The following NEK1 variants were observed in gnomAD, a reference collection of about 807,000 sequenced individuals.
The protein encoded by NEK1 is NIMA related kinase 1, also known as serine/threonine-protein kinase Nek1.
In NEK1, 137 loss-of-function variants were observed where a neutral mutation model predicts 182.1. That is an observed-to-expected ratio of 0.75 (90% CI 0.65 to 0.87). NEK1 has a LOEUF of 0.87. NEK1 is among the 40% of genes least tolerant of loss of function. NEK1 has a pLI of 0.00. For missense variants in NEK1, 1,391 were observed against 1,494.4 expected (o/e 0.93, Z 1.14); for synonymous variants, 513 against 492.2 (o/e 1.04, Z -0.56).
At chr4:169,513,752 G>C (rs1305876666) in intron 19 of NEK1, among the ~76,000 whole-genome samples, 1 of 152,004 alleles carries the variant, frequency 6.6e-6, no homozygotes, top group Non-Finnish European at 1.5e-5. Flanking sequence ...CTAGTGTGCT[G>C]ACAGTTATTA....
At chr4:169,479,302 A>C in intron 24 of NEK1, 101 bp downstream of exon 24, 41 of 1,242,202 alleles carry the variant, frequency 3.3e-5, no homozygotes, top group Non-Finnish European at 4.2e-5. Flanking sequence ...TCCTTAGAAA[A>C]ACCTGAAAGG....
intron 23 of NEK1, among the ~76,000 whole-genome samples, chr4:169,498,744 C>T (rs1751846987): frequency 6.6e-6 from 1 of 152,228 alleles, no homozygotes; most frequent in South Asian, 2.1e-4. Context: ...CCACTCTCTT[C>T]TGGCTTGTAG....
At chr4:169,438,036 G>A (rs1204296691) in intron 28 of NEK1, 47 bp downstream of exon 28, 2 of 1,433,566 alleles carry the variant, frequency 1.4e-6, no homozygotes, top group South Asian at 1.5e-5. Context: ...TGAAATTTAA[G>A]TTTTTACTAA....
At chr4:169,395,032 T>C (rs1730457226) in intron 35 of NEK1, among the ~76,000 whole-genome samples, 1 of 152,238 alleles carries the variant, frequency 6.6e-6, no homozygotes, top group Non-Finnish European at 1.5e-5. Context: ...TTGACTTCAA[T>C]GTCTGCAGAG....
At chr4:169,528,499 G>A (rs1052664497) in intron 19 of NEK1, among the ~76,000 whole-genome samples, 6 of 152,142 alleles carry the variant, frequency 3.9e-5, no homozygotes, top group African/African-American at 1.4e-4. Context: ...AGATAAGAAT[G>A]CATACTGGCT....
intron 26 of NEK1, among the ~76,000 whole-genome samples, chr4:169,467,144 A>G (rs947818880): frequency 7.6e-5 from 10 of 132,394 alleles, no homozygotes; most frequent in Non-Finnish European, 1.2e-4. Flanking sequence ...CTTGATTCCT[A>G]TTATGAGAAT....
chr4:169,537,737 A>G, intron 19 of NEK1, 72 bp downstream of exon 19: 5 of 1,135,700 alleles, frequency 4.4e-6, no homozygotes, highest in Non-Finnish European at 6.7e-6. Flanking sequence ...TTTTACTTAC[A>G]CTTACCTTAT....
Position 169,612,073 on chromosome 4 carries a change from T to G in NEK1, c.-102A>C, listed in dbSNP as rs1474544270. On this transcript the variant is annotated 5_prime_UTR_variant, in exon 2 of 36. Coordinates refer to ENST00000507142, the MANE Select transcript of NEK1 (RefSeq NM_001199397.3). ...AACGGTGATGACTAATAAGCATCAGTCTAGGTGTGGCAGTCTTCCTACGGG... is the reference window on the plus strand; with the variant it reads ...AACGGTGATGACTAATAAGCATCAGGCTAGGTGTGGCAGTCTTCCTACGGG... The G allele has an allele frequency of 6.6e-6, 1 of 152,194 alleles. No homozygotes were observed. Among genetic ancestry groups the G allele is most frequent in the Non-Finnish European group, 1.5e-5 (1 of 68,040 alleles). The allele number at this position is 152,194 out of a possible 1,614,324, so 9.4% of individuals were successfully genotyped here.
chr4:169,402,702 T>C (rs957297966), intron 32 of NEK1, among the ~76,000 whole-genome samples: 2 of 152,192 alleles, frequency 1.3e-5, no homozygotes, highest in Non-Finnish European at 2.9e-5. Flanking sequence ...TTTAGAGACA[T>C]GAAAACTATG....
At chr4:169,607,471 A>G (rs1000961240) in intron 2 of NEK1, among the ~76,000 whole-genome samples, 4 of 151,300 alleles carry the variant, frequency 2.6e-5, no homozygotes, top group African/African-American at 9.7e-5. Flanking sequence ...TTAATTTTTA[A>G]TTTTTTTTTG....
intron 16 of NEK1, 95 bp downstream of exon 16, chr4:169,561,381 TAAAG>T (rs968670970): frequency 1.1e-5 from 11 of 1,041,278 alleles, no homozygotes; most frequent in East Asian, 4.8e-5. Context: ...AATTGTACAC[TAAAG>T]AAAGAAAGAA....
intron 18 of NEK1, chr4:169,553,980 T>A (rs539959465): frequency 2.0e-4 from 31 of 152,292 alleles, no homozygotes; most frequent in African/African-American, 7.5e-4. Flanking sequence ...CCAGCAATCA[T>A]CCTCTTGGCA....
chr4:169,422,363 A>G (rs949908365), intron 31 of NEK1, among the ~76,000 whole-genome samples: 6 of 152,194 alleles, frequency 3.9e-5, no homozygotes, highest in African/African-American at 1.2e-4. Flanking sequence ...ATTAGAACAT[A>G]TATGTTGAGT....
intron 27 of NEK1, among the ~76,000 whole-genome samples, chr4:169,439,179 C>T (rs1251641097): frequency 6.6e-6 from 1 of 152,198 alleles, no homozygotes; most frequent in Non-Finnish European, 1.5e-5. Context: ...ATTCAATTCT[C>T]TGCCTACTAT....
intron 23 of NEK1, among the ~76,000 whole-genome samples, chr4:169,500,963 AATTG>A (rs766935629): frequency 4.6e-5 from 7 of 152,222 alleles, no homozygotes; most frequent in Non-Finnish European, 7.3e-5. Context: ...CAGAATGGCA[AATTG>A]GATGAAAAAA....
intron 30 of NEK1, among the ~76,000 whole-genome samples, 193 bp from the exon 31 acceptor site, chr4:169,424,993 GA>G (rs1390362933): frequency 6.6e-6 from 1 of 152,164 alleles, no homozygotes; most frequent in African/African-American, 2.4e-5. Flanking sequence ...TATCTTCAGA[GA>G]GTTGATTTAA....
chr4:169,423,144 C>G (rs1319383290), intron 31 of NEK1, among the ~76,000 whole-genome samples: 1 of 152,090 alleles, frequency 6.6e-6, no homozygotes, highest in Non-Finnish European at 1.5e-5. Context: ...ACTCTGTCAC[C>G]CAGGCTGGAG....
chr4:169,548,266 CTG>C (rs1760853983), intron 18 of NEK1, among the ~76,000 whole-genome samples: 1 of 152,258 alleles, frequency 6.6e-6, no homozygotes, highest in African/African-American at 2.4e-5. Flanking sequence ...CCACTCCAGA[CTG>C]TGTTCGCCTG....
chr4:169,542,828 C>G (rs1387904995), intron 18 of NEK1, among the ~76,000 whole-genome samples: 1 of 151,772 alleles, frequency 6.6e-6, no homozygotes, highest in Non-Finnish European at 1.5e-5. Context: ...TATCCTTTGC[C>G]CGCTTATTGA....
Sources: gnomAD v4.1 joint callset for allele counts (sites outside exome capture counted in the v4.1 genomes callset) on GRCh38, gnomAD v4.1.1 for gene constraint, MANE v1.5 for transcripts, NCBI Gene and HGNC (gene_info 2026-07-23, HGNC 2026-07-21) for gene names.